The following ARHGAP6 variants were observed in gnomAD, a reference collection of about 807,000 sequenced individuals.
ARHGAP6 encodes Rho GTPase activating protein 6.
ARHGAP6 carries 16 observed loss-of-function variants against 55.7 expected under a neutral mutation model. The ratio of observed to expected loss-of-function variants is 0.29; its 90% CI spans 0.19 to 0.44. The LOEUF (loss-of-function observed/expected upper bound fraction) is 0.44, where lower values mean the gene tolerates loss of function less well. Among genes scored for constraint, ARHGAP6 ranks in the 20% least tolerant of loss-of-function variants. ARHGAP6 has a pLI of 1.00. For missense variants in ARHGAP6, 698 were observed against 808.9 expected (o/e 0.86, Z 1.66); for synonymous variants, 382 against 360.9 (o/e 1.06, Z -0.66).
intron 1 of ARHGAP6, among the ~76,000 whole-genome samples, chrX:11,500,704 T>A (rs951517600): frequency 9.4e-6 from 1 of 106,686 alleles, no homozygotes; most frequent in Non-Finnish European, 1.9e-5. Context: ...AAGAGAAACC[T>A]TTTTTTCAAA....
At chrX:11,501,137 CTG>C (rs778996565) in intron 1 of ARHGAP6, among the ~76,000 whole-genome samples, 2 of 112,148 alleles carry the variant, frequency 1.8e-5, no homozygotes, top group East Asian at 5.6e-4. Flanking sequence ...TAAAAAGAAA[CTG>C]AGATTATGTT....
intron 1 of ARHGAP6, among the ~76,000 whole-genome samples, chrX:11,432,105 C>A (rs1172294479): frequency 1.8e-5 from 2 of 112,512 alleles, no homozygotes; most frequent in East Asian, 5.6e-4. Flanking sequence ...GCATAATCAC[C>A]CCTGGTTGAA....
At chrX:11,223,575 TCAA>T (rs945616573) in intron 2 of ARHGAP6, among the ~76,000 whole-genome samples, 3 of 111,961 alleles carry the variant, frequency 2.7e-5, no homozygotes, top group African/African-American at 9.7e-5. Flanking sequence ...ATAAATGTCT[TCAA>T]CGTTTAGTCT....
At chrX:11,546,262 G>A (rs2051211144) in intron 1 of ARHGAP6, among the ~76,000 whole-genome samples, 1 of 110,949 alleles carries the variant, frequency 9.0e-6, no homozygotes, top group Admixed American at 9.7e-5. Context: ...TGACTGCTAG[G>A]TGTTACACAA....
At chrX:11,662,057 G>C (rs1226551121) in intron 1 of ARHGAP6, among the ~76,000 whole-genome samples, 1 of 111,966 alleles carries the variant, frequency 8.9e-6, no homozygotes, top group Admixed American at 9.4e-5. Flanking sequence ...AAAAGTTCAA[G>C]AACCAAATCT....
At chrX:11,589,413 CCTT>C (rs776605453) in intron 1 of ARHGAP6, among the ~76,000 whole-genome samples, 1,917 of 106,658 alleles carry the variant, frequency 0.018, 30 homozygotes, top group Middle Eastern at 0.062. Context: ...TCAAATATAA[CCTT>C]TTTTTTGCAG....
Position 11,654,834 on chromosome X carries a change from T to C in ARHGAP6, c.588+9407A>G, listed in dbSNP as rs186992528. 3.8e-3 allele frequency among the ~76,000 whole-genome samples: 427 copies of C among 112,365 alleles called. 1 individual carries two copies. The highest frequency in any genetic ancestry group is 0.012 in the African/African-American group (380 of 31,024). ...CTCTTCTACATTTATATTTATGTTT[T>C]ATTGAAAACAAGATGTGGCAACAAC... is the stretch of plus-strand genomic sequence containing the variant. On this transcript the variant is annotated intron_variant, in intron 1 of 12. Coordinates refer to ENST00000337414, the MANE Select transcript of ARHGAP6 (RefSeq NM_013427.3).
At chrX:11,299,918 C>A (rs1431989208) in intron 1 of ARHGAP6, among the ~76,000 whole-genome samples, 1 of 111,586 alleles carries the variant, frequency 9.0e-6, no homozygotes, top group African/African-American at 3.3e-5. Context: ...ATGACGAAAT[C>A]AGATTATTTT....
chrX:11,568,664 C>T (rs2051475272), intron 1 of ARHGAP6, among the ~76,000 whole-genome samples: 1 of 107,876 alleles, frequency 9.3e-6, no homozygotes, highest in South Asian at 4.1e-4. Flanking sequence ...GGCCAAGACA[C>T]GAGAATCTCT....
At chrX:11,256,462 TAGCACTTTG>T (rs758444114) in intron 1 of ARHGAP6, among the ~76,000 whole-genome samples, 93 of 111,965 alleles carry the variant, frequency 8.3e-4, no homozygotes, top group Non-Finnish European at 1.6e-3. Flanking sequence ...CAAAGTGCCA[TAGCACTTTG>T]TTTCACACTG....
chrX:11,342,505 T>C (rs1200851325), intron 1 of ARHGAP6, among the ~76,000 whole-genome samples: 1 of 112,114 alleles, frequency 8.9e-6, no homozygotes, highest in Non-Finnish European at 1.9e-5. Context: ...TAGAAATACA[T>C]GGACCTCTCA....
At chrX:11,144,622 C>T (rs2045665351) in intron 10 of ARHGAP6, among the ~76,000 whole-genome samples, 1 of 112,249 alleles carries the variant, frequency 8.9e-6, no homozygotes. Flanking sequence ...TAAGGATACA[C>T]TAGTAGATAA....
At chrX:11,229,262 G>A (rs2047095421) in intron 2 of ARHGAP6, among the ~76,000 whole-genome samples, 2 of 111,592 alleles carry the variant, frequency 1.8e-5, no homozygotes, top group Middle Eastern at 4.6e-3. Context: ...CTGTGTTCTT[G>A]AAAAAAATTA....
intron 1 of ARHGAP6, among the ~76,000 whole-genome samples, chrX:11,586,147 C>T (rs1341831529): frequency 1.8e-5 from 2 of 111,783 alleles, no homozygotes; most frequent in Admixed American, 9.5e-5. Context: ...TGTCTGTTTA[C>T]TCTGTTGATA....
chrX:11,519,190 G>T (rs1253805340), intron 1 of ARHGAP6, among the ~76,000 whole-genome samples: 16 of 92,445 alleles, frequency 1.7e-4, no homozygotes, highest in South Asian at 5.3e-4. Flanking sequence ...TCTAGTTCTA[G>T]ATCCCTGAGG....
intron 2 of ARHGAP6, among the ~76,000 whole-genome samples, chrX:11,230,827 C>T (rs1230547605): frequency 9.0e-6 from 1 of 110,734 alleles, no homozygotes; most frequent in Non-Finnish European, 1.9e-5. Context: ...ATCTGAAGGT[C>T]TAGAGATTTC....
At chrX:11,413,996 G>A (rs2049718708) in intron 1 of ARHGAP6, among the ~76,000 whole-genome samples, 1 of 111,462 alleles carries the variant, frequency 9.0e-6, no homozygotes, top group Non-Finnish European at 1.9e-5. Context: ...GTGAATCAAT[G>A]AATGTTCACT....
At chrX:11,573,775 G>C (rs1410559065) in intron 1 of ARHGAP6, among the ~76,000 whole-genome samples, 2 of 110,695 alleles carry the variant, frequency 1.8e-5, no homozygotes, top group Non-Finnish European at 3.8e-5. Context: ...ATTACCTTGG[G>C]CAGTATGGCC....
intron 1 of ARHGAP6, among the ~76,000 whole-genome samples, chrX:11,450,511 C>T (rs2050134907): frequency 8.9e-6 from 1 of 111,823 alleles, no homozygotes; most frequent in Non-Finnish European, 1.9e-5. Flanking sequence ...ATGAGCCCTT[C>T]ACTGCAGGGC....
Sources: gnomAD v4.1 joint callset for allele counts (sites outside exome capture counted in the v4.1 genomes callset) on GRCh38, gnomAD v4.1.1 for gene constraint, MANE v1.5 for transcripts, NCBI Gene and HGNC (gene_info 2026-07-23, HGNC 2026-07-21) for gene names.